The following CSNK1D variants were observed in gnomAD, a reference collection of about 807,000 sequenced individuals.
The protein encoded by CSNK1D is casein kinase I isoform delta.
CSNK1D carries 16 observed loss-of-function variants against 46.6 expected under a neutral mutation model. The ratio of observed to expected loss-of-function variants is 0.34; its 90% confidence interval spans 0.23 to 0.52. The LOEUF is 0.52. Ranked by LOEUF, CSNK1D falls within the 20% of genes least tolerant of loss-of-function variation. CSNK1D has a pLI of 0.95. For synonymous variants in CSNK1D, 276 were observed against 228.2 expected (o/e 1.21, Z -1.89); for missense variants, 398 against 578.4 (o/e 0.69, Z 3.20).
rs1382177076 is a variant in CSNK1D at position 82,249,308 on chromosome 17, C to T, written c.1057+123G>A. The T allele has an allele frequency of 6.5e-6, 7 of 1,077,818 alleles. No homozygotes were observed. The highest frequency in any genetic ancestry group is 6.0e-5 in the South Asian group (4 of 66,322). The allele number at this position is 1,077,818 out of a possible 1,614,324, so 66.8% of individuals were successfully genotyped here. ...AGCCTGGCTCATCCACCCTCAGGAG[C>T]GAGCATCGCCTGACACAGGGCACTT... On this transcript the variant is annotated intron_variant, in intron 7 of 8. Transcript: ENST00000314028. This position sits in a 1 kb window ranked among gnomAD's most constrained non-coding sequence, Gnocchi z 6.7.
intron 2 of CSNK1D, among the ~76,000 whole-genome samples, chr17:82,264,845 T>A (rs1743938401): frequency 6.6e-6 from 1 of 150,484 alleles, no homozygotes; most frequent in South Asian, 2.1e-4. Flanking sequence ...TCATCCAGGC[T>A]GGACTGCAGT....
Position 82,273,233 on chromosome 17 carries a change from C to G in CSNK1D, c.76+73G>C. ...CCCCGCGGGGGCCACCACTTCCTTC[C>G]GCGATCGCGCTTGGTCTTGGCAGCC... On this transcript the variant is annotated intron_variant, in intron 1 of 8. Transcript: ENST00000314028. This position sits in a 1 kb window ranked among gnomAD's most constrained non-coding sequence, Gnocchi z 5.1. 1 of 1,469,436 alleles carries G rather than the reference C, an allele frequency of 6.8e-7. No individual in the cohort carries two copies. The highest frequency in any genetic ancestry group is 1.2e-5 in the South Asian group (1 of 84,144). 91.0% of individuals were successfully genotyped at this position (1,469,436 alleles called of 1,614,324 possible). A position where few individuals can be genotyped will look rare whatever the true frequency, so the allele number is the denominator to read the frequency against.
intron 1 of CSNK1D, among the ~76,000 whole-genome samples, chr17:82,269,292 G>A (rs1318699833): frequency 2.0e-5 from 3 of 152,020 alleles, no homozygotes; most frequent in Non-Finnish European, 2.9e-5. Context: ...GCAGGGCAGC[G>A]GTCAGCAGTA....
chr17:82,244,295 A>T lies in CSNK1D; in HGVS notation c.*486T>A. ...CACTAACTCCAAGCCAGCCTGTCTC[A>T]GAATTCCTTAGTCAACATTTTTTTT... is the stretch of plus-strand genomic sequence containing the variant. On this transcript the variant is annotated 3_prime_UTR_variant, in exon 9 of 9. Transcript: ENST00000314028. The T allele has an allele frequency of 9.1e-7, 1 of 1,100,432 alleles. No homozygotes were observed. The highest frequency in any genetic ancestry group is 1.1e-6 in the Non-Finnish European group (1 of 896,126). 68.2% of individuals were successfully genotyped at this position (1,100,432 alleles called of 1,614,324 possible).
Position 82,248,249 on chromosome 17 carries a change from C to G in CSNK1D, c.1197+626G>C, listed in dbSNP as rs1330711436. On this transcript the variant is annotated intron_variant, in intron 8 of 8. Coordinates refer to ENST00000314028, the MANE Select transcript of CSNK1D (RefSeq NM_001893.6). The surrounding 1 kb of genome is among the most constrained non-coding windows in gnomAD (Gnocchi z 4.1). The stretch of plus-strand genomic sequence containing the variant: ...TGTTCTAGTTCAAAGAGCACGTTAG[C>G]AAACGCAAAAGACAACAAAAGCCAG... 1.8e-5 allele frequency: 18 copies of G among 986,094 alleles called. No homozygotes were observed. Among genetic ancestry groups the G allele is most frequent in the Non-Finnish European group, 2.2e-5 (18 of 830,458 alleles). 61.1% of individuals were successfully genotyped at this position (986,094 alleles called of 1,614,324 possible). A position where few individuals can be genotyped will look rare whatever the true frequency, so the allele number is the denominator to read the frequency against.
chr17:82,240,428 C>T (rs1338644631), downstream of CSNK1D, among the ~76,000 whole-genome samples: 2 of 152,336 alleles, frequency 1.3e-5, no homozygotes, highest in South Asian at 2.1e-4. Flanking sequence ...CAGGGGACTG[C>T]TCACACCCAG....
chr17:82,256,439 G>A (rs747643675), intron 2 of CSNK1D, among the ~76,000 whole-genome samples: 5 of 151,808 alleles, frequency 3.3e-5, no homozygotes, highest in Non-Finnish European at 5.9e-5. Context: ...CTTGAGCCCA[G>A]GAAATGGAGG....
In CSNK1D at chr17:82,273,442, A is replaced by T. The variant is rs1409217779; in HGVS notation, c.-61T>A. The T allele has an allele frequency of 5.7e-6, 9 of 1,592,022 alleles. No individual in the cohort carries two copies. Among genetic ancestry groups the T allele is most frequent in the Non-Finnish European group, 7.7e-6 (9 of 1,169,384 alleles). ...CCGCTTCCTGGGTCTGAACTCTGGG[A>T]GGCGGCGCCGCTGCTGCCGCTACTG... On this transcript the variant is annotated 5_prime_UTR_variant, in exon 1 of 9. Coordinates refer to ENST00000314028, the MANE Select transcript of CSNK1D (RefSeq NM_001893.6). This position sits in a 1 kb window ranked among gnomAD's most constrained non-coding sequence, Gnocchi z 5.1.
Position 82,243,773 on chromosome 17 carries a change from G to T in CSNK1D, c.*1008C>A. 1.0e-6 allele frequency: 1 copy of T among 985,472 alleles called. No individual in the cohort carries two copies. The highest frequency in any genetic ancestry group is 1.2e-6 in the Non-Finnish European group (1 of 829,960). 61.0% of individuals were successfully genotyped at this position (985,472 alleles called of 1,614,324 possible). A position where few individuals can be genotyped will look rare whatever the true frequency, so the allele number is the denominator to read the frequency against. ...GCCAATCCGCACAGGAGCATTGAGT[G>T]CTGAGAAAATGGACTGAGTGCAAAG... On this transcript the variant is annotated 3_prime_UTR_variant, in exon 9 of 9. Coordinates refer to ENST00000314028, the MANE Select transcript of CSNK1D (RefSeq NM_001893.6).
Position 82,249,145 on chromosome 17 carries a change from G to A in CSNK1D, c.1058-131C>T. The A allele has an allele frequency of 8.7e-7, 1 of 1,152,638 alleles. No individual in the cohort carries two copies. Among genetic ancestry groups the A allele is most frequent in the Admixed American group, 2.3e-5 (1 of 43,034 alleles). 71.4% of individuals were successfully genotyped at this position (1,152,638 alleles called of 1,614,324 possible). The stretch of plus-strand genomic sequence containing the variant: ...AGTCAGGACCTGGCTGTGGCCGATG[G>A]CCACCAACACTCAGATCCGGCCGGA... On this transcript the variant is annotated intron_variant, in intron 7 of 8. Transcript: ENST00000314028. The surrounding 1 kb of genome is among the most constrained non-coding windows in gnomAD (Gnocchi z 6.7).
At position 82,248,885 on chromosome 17, in the gene CSNK1D, G is replaced by A. The variant is rs1473199876; in HGVS notation, c.1187C>T (p.Ser396Phe). The A allele has an allele frequency of 6.2e-7, 1 of 1,610,594 alleles. No homozygotes were observed. Among genetic ancestry groups the A allele is most frequent in the Non-Finnish European group, 8.5e-7 (1 of 1,178,280 alleles). ...LTGRQDTSRM[S>F]TSQIPGRVAS... ...GAGCTCTGCACCTACCTGTGAGGTG[G>A]ACATGCGAGAGGTATCTTGTCGGCC... Residue 396 changes from serine to phenylalanine, a missense_variant, in exon 8 of 9, where the codon TCC becomes TTC. Transcript: ENST00000314028. The surrounding 1 kb of genome is among the most constrained non-coding windows in gnomAD (Gnocchi z 4.1).
At chr17:82,241,690 C>T (rs1251900143), downstream of CSNK1D, among the ~76,000 whole-genome samples, 2 of 152,184 alleles carry the variant, frequency 1.3e-5, no homozygotes, top group Non-Finnish European at 2.9e-5. Flanking sequence ...TCTGGGGCAG[C>T]AAGAGGGAAC....
At chr17:82,264,821 G>A (rs1014240618) in intron 2 of CSNK1D, among the ~76,000 whole-genome samples, 4 of 144,994 alleles carry the variant, frequency 2.8e-5, no homozygotes, top group Non-Finnish European at 4.5e-5. Flanking sequence ...TTTTTGAGAC[G>A]GAGTCTCGCT....
At chr17:82,258,329 C>T (rs1465659054) in intron 2 of CSNK1D, among the ~76,000 whole-genome samples, 1 of 149,206 alleles carries the variant, frequency 6.7e-6, no homozygotes, top group Non-Finnish European at 1.5e-5. Flanking sequence ...TAAACCTGAA[C>T]ATATGTGTAT....
In CSNK1D at chr17:82,248,512, G is replaced by C. The variant is rs142057751; in HGVS notation, c.1197+363C>G. 16 of 1,113,584 alleles carry C rather than the reference G, an allele frequency of 1.4e-5. No homozygotes were observed. In the Admixed American group the frequency reaches 3.7e-4, roughly 26 times the overall value. The allele number at this position is 1,113,584 out of a possible 1,614,324, so 69.0% of individuals were successfully genotyped here. Reference sequence around the variant, plus strand: ...GAGGAAGAATGAGGAAGGCTCCCTCGGGCTGGGGGCACCCACAATGGGGCG... The same window carrying C: ...GAGGAAGAATGAGGAAGGCTCCCTCCGGCTGGGGGCACCCACAATGGGGCG... On this transcript the variant is annotated intron_variant, in intron 8 of 8. Coordinates refer to ENST00000314028, the MANE Select transcript of CSNK1D (RefSeq NM_001893.6). The surrounding 1 kb of genome is among the most constrained non-coding windows in gnomAD (Gnocchi z 4.1).
rs1487021778 is a variant in CSNK1D at position 82,273,455 on chromosome 17, G to GCTGCCGCTA, written c.-83_-75dup. On this transcript the variant is annotated 5_prime_UTR_variant, in exon 1 of 9. Transcript: ENST00000314028. This position sits in a 1 kb window ranked among gnomAD's most constrained non-coding sequence, Gnocchi z 5.1. ...CTGAACTCTGGGAGGCGGCGCCGCT[G>GCTGCCGCTA]CTGCCGCTACTGCGGGTCCGGCTCC... 1.3e-5 allele frequency: 21 copies of GCTGCCGCTA among 1,570,236 alleles called. No individual in the cohort carries two copies. The African/African-American group carries it at 1.6e-4, about 12-fold the overall frequency.
chr17:82,260,573 GGACTGATGGTGTACT>G (rs1251756381), intron 2 of CSNK1D, among the ~76,000 whole-genome samples: 12 of 122,446 alleles, frequency 9.8e-5, no homozygotes, highest in East Asian at 2.4e-4. Context: ...CTGAGTGATG[GGACTGATGGTGTACT>G]GACTGATGGT....
intron 1 of CSNK1D, among the ~76,000 whole-genome samples, chr17:82,266,321 A>AT (rs2051466857): frequency 6.6e-6 from 1 of 152,166 alleles, no homozygotes; most frequent in Non-Finnish European, 1.5e-5. Flanking sequence ...TAGCCAACCT[A>AT]TTGCAGGCAA....
chr17:82,246,407 G>A, intron 8 of CSNK1D: 2 of 1,217,962 alleles, frequency 1.6e-6, no homozygotes, highest in Admixed American at 3.6e-5. Flanking sequence ...ATCCTCGCCG[G>A]TACGACGACA....
Sources: gnomAD v4.1 joint callset for allele counts (sites outside exome capture counted in the v4.1 genomes callset) on GRCh38, gnomAD v4.1.1 for gene constraint, Gnocchi (gnomAD v3.1) non-coding constraint, MANE v1.5 for transcripts, NCBI Gene and HGNC (gene_info 2026-07-23, HGNC 2026-07-21) for gene names.